The following ATP5PO variants were observed in gnomAD, a reference collection of about 807,000 sequenced individuals.
ATP5PO encodes ATP synthase peripheral stalk subunit OSCP, mitochondrial.
Under a neutral mutation model 26.2 loss-of-function variants are expected in ATP5PO, and 14 were observed. The ratio of observed to expected loss-of-function variants is 0.53; its 90% CI spans 0.35 to 0.83. The LOEUF (loss-of-function observed/expected upper bound fraction) is 0.83, where lower values mean the gene tolerates loss of function less well. ATP5PO is among the 40% of genes least tolerant of loss of function. ATP5PO has a pLI of 0.01. For missense variants in ATP5PO, 241 were observed against 258.5 expected (o/e 0.93, Z 0.46); for synonymous variants, 106 against 95.1 (o/e 1.12, Z -0.67).
At chr21:33,912,708 G>C (rs1298664692) in intron 2 of ATP5PO, among the ~76,000 whole-genome samples, 2 of 152,152 alleles carry the variant, frequency 1.3e-5, no homozygotes, top group African/African-American at 4.8e-5. Flanking sequence ...TTAATTTTGA[G>C]ATAAGCTTAT....
At chr21:33,907,671 A>C (rs75547371) in intron 4 of ATP5PO, among the ~76,000 whole-genome samples, 1 of 152,114 alleles carries the variant, frequency 6.6e-6, no homozygotes, top group African/African-American at 2.4e-5. Flanking sequence ...CCATCTCTAC[A>C]AAAAAACGTT....
Position 33,903,678 on chromosome 21 carries a change from A to C in ATP5PO, c.529-39T>G, listed in dbSNP as rs187734176. On this transcript the variant is annotated intron_variant, in intron 6 of 6. Coordinates refer to ENST00000290299, the MANE Select transcript of ATP5PO (RefSeq NM_001697.3). ...AAGACTGGAAATGTGAAAACGCGCTAATCAAATGGGACACACAAAAAAGTG... is the reference window on the plus strand; with the variant it reads ...AAGACTGGAAATGTGAAAACGCGCTCATCAAATGGGACACACAAAAAAGTG... 1.7e-4 allele frequency: 278 copies of C among 1,595,166 alleles called. No individual in the cohort carries two copies. The Middle Eastern group carries it at 5.3e-3, about 30-fold the overall frequency.
chr21:33,909,320 G>A (rs1602772596), intron 3 of ATP5PO, 109 bp from the exon 4 acceptor site: 2 of 1,283,732 alleles, frequency 1.6e-6, no homozygotes, highest in African/African-American at 1.5e-5. Context: ...TTGCTCCGTC[G>A]CTCAGGCTGG....
chr21:33,913,783 T>C (rs1352191134), intron 2 of ATP5PO, among the ~76,000 whole-genome samples: 2 of 152,034 alleles, frequency 1.3e-5, no homozygotes, highest in African/African-American at 2.4e-5. Context: ...GGTACCTTGA[T>C]ATTTTTTTTT....
chr21:33,905,445 C>G (rs1987157480), intron 5 of ATP5PO, among the ~76,000 whole-genome samples: 1 of 152,126 alleles, frequency 6.6e-6, no homozygotes, highest in African/African-American at 2.4e-5. Flanking sequence ...AGGACCAGCC[C>G]CAATATTTGA....
At chr21:33,909,240 A>C in intron 3 of ATP5PO, 29 bp from the exon 4 acceptor site, 1 of 1,602,736 alleles carries the variant, frequency 6.2e-7, no homozygotes, top group East Asian at 2.2e-5. Flanking sequence ...AATTTCTTAA[A>C]TTTTTTAGAG....
At chr21:33,911,662 G>GTTGTT (rs1987248888) in intron 3 of ATP5PO, among the ~76,000 whole-genome samples, 1 of 92,080 alleles carries the variant, frequency 1.1e-5, no homozygotes, top group Non-Finnish European at 2.0e-5. Context: ...ATAAGCATAG[G>GTTGTT]TTTTTTTTTT....
intron 6 of ATP5PO, 45 bp downstream of exon 6, chr21:33,903,890 T>G (rs566006078): frequency 1.3e-6 from 2 of 1,527,566 alleles, no homozygotes; most frequent in East Asian, 2.3e-5. Flanking sequence ...CATTTTAAGC[T>G]TAAAATAACC....
intron 4 of ATP5PO, 133 bp from the exon 5 acceptor site, chr21:33,907,586 A>G (rs1987190291): frequency 2.9e-6 from 2 of 677,996 alleles, no homozygotes; most frequent in Admixed American, 2.6e-5. Flanking sequence ...CATGCCTATA[A>G]TCCCAACTAC....
intron 1 of ATP5PO, chr21:33,915,226 G>A (rs908401272): frequency 6.3e-6 from 1 of 159,984 alleles, no homozygotes; most frequent in South Asian, 1.6e-4. Flanking sequence ...CGATCTTCTG[G>A]GTGATTCCGT....
chr21:33,909,987 G>A (rs1302210025), intron 3 of ATP5PO, among the ~76,000 whole-genome samples: 1 of 152,208 alleles, frequency 6.6e-6, no homozygotes, highest in Non-Finnish European at 1.5e-5. Context: ...GAGGCCTCTG[G>A]TGCTGCCAGA....
At chr21:33,908,843 C>A (rs376173712) in intron 4 of ATP5PO, 1 of 409,026 alleles carries the variant, frequency 2.4e-6, no homozygotes, top group African/African-American at 2.0e-5. Flanking sequence ...ACTGACTATA[C>A]AATTAGACAT....
intron 3 of ATP5PO, among the ~76,000 whole-genome samples, chr21:33,911,363 T>C (rs979398562): frequency 1.1e-4 from 17 of 152,202 alleles, no homozygotes; most frequent in Non-Finnish European, 2.5e-4. Flanking sequence ...CCCATGCCCC[T>C]TTACTAACTC....
chr21:33,912,589 G>A (rs1417988668), intron 2 of ATP5PO, among the ~76,000 whole-genome samples, 190 bp from the exon 3 acceptor site: 3 of 152,162 alleles, frequency 2.0e-5, no homozygotes, highest in Non-Finnish European at 4.4e-5. Flanking sequence ...TCCTTGGTCA[G>A]GTCACTCAAT....
At chr21:33,906,311 A>G (rs1987172227) in intron 5 of ATP5PO, 1 of 230,650 alleles carries the variant, frequency 4.3e-6, no homozygotes, top group Non-Finnish European at 8.7e-6. Flanking sequence ...GCTACACTAC[A>G]TTTGACTGAG....
At chr21:33,906,563 T>C (rs923889296) in intron 5 of ATP5PO, 15 of 393,244 alleles carry the variant, frequency 3.8e-5, no homozygotes, top group African/African-American at 3.2e-4. Context: ...AATAACATAA[T>C]AAAGCACCCA....
chr21:33,915,651 C>G (rs1987304193), intron 1 of ATP5PO, 77 bp downstream of exon 1: 1 of 1,530,548 alleles, frequency 6.5e-7, no homozygotes, highest in South Asian at 1.2e-5. Context: ...AAGCATCGCA[C>G]CCTGGTGCTC....
At chr21:33,907,559 C>T (rs1319614588) in intron 4 of ATP5PO, 106 bp from the exon 5 acceptor site, 1 of 904,960 alleles carries the variant, frequency 1.1e-6, no homozygotes, top group Non-Finnish European at 1.7e-6. Flanking sequence ...GGCCTTAAAA[C>T]ACCATATACA....
At chr21:33,913,750 T>C (rs1241391299) in intron 2 of ATP5PO, among the ~76,000 whole-genome samples, 1 of 152,040 alleles carries the variant, frequency 6.6e-6, no homozygotes, top group Non-Finnish European at 1.5e-5. Flanking sequence ...GAATGGAACA[T>C]GGAGAACTGC....
Sources: gnomAD v4.1 joint callset for allele counts (sites outside exome capture counted in the v4.1 genomes callset) on GRCh38, gnomAD v4.1.1 for gene constraint, MANE v1.5 for transcripts, NCBI Gene and HGNC (gene_info 2026-07-23, HGNC 2026-07-21) for gene names.